The following SP100 variants were observed in gnomAD, a reference collection of about 807,000 sequenced individuals.
The protein encoded by SP100 is SP100 nuclear body protein.
A neutral mutation model predicts 130.0 loss-of-function variants in SP100; 84 were observed. That is an observed-to-expected ratio of 0.65 (90% CI 0.54 to 0.77). The LOEUF (loss-of-function observed/expected upper bound fraction) is 0.77. Among genes scored for constraint, SP100 ranks in the 30% least tolerant of loss-of-function variants. The pLI, the probability that SP100 is intolerant of heterozygous loss-of-function variation, is 0.00. For synonymous variants in SP100, 331 were observed against 351.7 expected (o/e 0.94, Z 0.66); for missense variants, 978 against 1,052.2 (o/e 0.93, Z 0.97).
At chr2:230,504,774 A>G (rs543708198) in intron 21 of SP100, among the ~76,000 whole-genome samples, 1 of 152,324 alleles carries the variant, frequency 6.6e-6, no homozygotes, top group East Asian at 1.9e-4. Context: ...GTTTAGGCAC[A>G]GTGAGCCCTC....
At chr2:230,490,556 A>T (rs1462832790) in intron 17 of SP100, among the ~76,000 whole-genome samples, 1 of 152,152 alleles carries the variant, frequency 6.6e-6, no homozygotes, top group African/African-American at 2.4e-5. Context: ...GTTATTTTGC[A>T]CACTAGTTGA....
At chr2:230,532,930 A>G (rs912459987) in intron 24 of SP100, among the ~76,000 whole-genome samples, 3 of 152,018 alleles carry the variant, frequency 2.0e-5, no homozygotes, top group African/African-American at 7.2e-5. Flanking sequence ...ACAGGCGCCC[A>G]CCACCACGCC....
At chr2:230,528,092 A>AATAG (rs1691514788) in intron 24 of SP100, among the ~76,000 whole-genome samples, 1 of 152,232 alleles carries the variant, frequency 6.6e-6, no homozygotes, top group Non-Finnish European at 1.5e-5. Flanking sequence ...ATAGACATCT[A>AATAG]CAGAACTCTA....
chr2:230,523,042 C>T (rs1031574458), intron 24 of SP100, among the ~76,000 whole-genome samples: 9 of 151,752 alleles, frequency 5.9e-5, no homozygotes, highest in Middle Eastern at 3.4e-3. Context: ...CTCAAACTCC[C>T]GATCTCAAAT....
chr2:230,444,261 C>A lies in SP100; in HGVS notation c.354C>A (p.Asn118Lys). 1 of 1,613,140 alleles carries A rather than the reference C, an allele frequency of 6.2e-7. No homozygotes were observed. The highest frequency in any genetic ancestry group is 1.1e-5 in the South Asian group (1 of 91,062). Residue 118 changes from asparagine to lysine, a missense_variant, in exon 4 of 29, where the codon AAC becomes AAA. By Grantham distance (94) the Asn-to-Lys change is moderately conservative. Transcript: ENST00000340126. ...NVLSELEKTFNLPVLEALFSD... is the reference protein window; with the variant it reads ...NVLSELEKTFKLPVLEALFSD... ...TTAGTGAACTGGAGAAGACATTTAA[C>A]CTGCCAGTTCTGGAAGCACTGTTCA... is the stretch of plus-strand genomic sequence containing the variant.
intron 15 of SP100, 183 bp from the exon 16 acceptor site, chr2:230,473,141 C>T (rs916804184): frequency 2.1e-6 from 1 of 481,274 alleles, no homozygotes; most frequent in Non-Finnish European, 3.8e-6. Flanking sequence ...ATGAAATTCT[C>T]AGGGTTATTT....
chr2:230,424,641 C>A (rs1271079727), intron 2 of SP100, among the ~76,000 whole-genome samples: 1 of 148,138 alleles, frequency 6.8e-6, no homozygotes, highest in Admixed American at 6.7e-5. Context: ...TGCACTCCAG[C>A]CTGGGCAACA....
In SP100 at chr2:230,469,075, A is replaced by C. The variant is rs2065130031; in HGVS notation, c.1324A>C (p.Arg442=). ...PMTSRSTSTW[R]IPSRKRRFSS... ...GACTTCTAGAAGTACATCTACTTGGAGAATACCCAGCAGGAAGAGACGTAA... is the reference window on the plus strand; with the variant it reads ...GACTTCTAGAAGTACATCTACTTGGCGAATACCCAGCAGGAAGAGACGTAA... The change falls in exon 14 of 29, where the codon AGA becomes CGA. Residue 442 remains arginine (R), a synonymous_variant. Coordinates refer to ENST00000340126, the MANE Select transcript of SP100 (RefSeq NM_001080391.2). The C allele has an allele frequency of 6.3e-7, 1 of 1,599,124 alleles. No homozygotes were observed. Among genetic ancestry groups the C allele is most frequent in the Non-Finnish European group, 8.6e-7 (1 of 1,168,450 alleles).
Position 230,517,522 on chromosome 2 carries a change from G to T in SP100, c.2094+6356G>T, listed in dbSNP as rs559431916. 5.1e-4 allele frequency among the ~76,000 whole-genome samples: 78 copies of T among 152,236 alleles called. 3 individuals carry two copies. In the South Asian group the frequency reaches 0.016, roughly 31 times the overall value. On this transcript the variant is annotated intron_variant, in intron 24 of 28. Transcript: ENST00000340126. Reference sequence around the variant, plus strand: ...AACACCTGTAATCCCAGCACTGTGGGAGGCCAAGGCAGGCAGATCACCCGA... The same window carrying T: ...AACACCTGTAATCCCAGCACTGTGGTAGGCCAAGGCAGGCAGATCACCCGA...
chr2:230,449,940 A>G (rs1486957843), intron 7 of SP100, among the ~76,000 whole-genome samples: 1 of 152,240 alleles, frequency 6.6e-6, no homozygotes, highest in Non-Finnish European at 1.5e-5. Flanking sequence ...AAAGGGGAAG[A>G]GTTGCAGAGT....
At chr2:230,440,507 T>C (rs555380423) in intron 2 of SP100, 3 of 1,295,758 alleles carry the variant, frequency 2.3e-6, no homozygotes, top group Non-Finnish European at 3.0e-6. Context: ...TAATGAAAGA[T>C]GTACATGACT....
chr2:230,468,380 G>A (rs2065068087), intron 13 of SP100, among the ~76,000 whole-genome samples: 1 of 152,136 alleles, frequency 6.6e-6, no homozygotes, highest in African/African-American at 2.4e-5. Flanking sequence ...ATATACTAAT[G>A]TTTATACAGC....
At chr2:230,451,532 A>AT (rs1184774427) in intron 8 of SP100, among the ~76,000 whole-genome samples, 2 of 152,182 alleles carry the variant, frequency 1.3e-5, no homozygotes, top group African/African-American at 2.4e-5. Flanking sequence ...CTCCTTATGT[A>AT]TTTTGGATAA....
At chr2:230,502,172 C>T (rs554925092) in intron 19 of SP100, among the ~76,000 whole-genome samples, 15 of 152,234 alleles carry the variant, frequency 9.9e-5, no homozygotes, top group South Asian at 6.2e-4. Context: ...CTTGAGCCAC[C>T]GGGCCCAGCC....
intron 24 of SP100, among the ~76,000 whole-genome samples, chr2:230,527,750 CA>C (rs549350107): frequency 2.2e-4 from 33 of 151,228 alleles, no homozygotes; most frequent in African/African-American, 6.8e-4. Context: ...AAATGGAAAG[CA>C]AAAAAAAGCA....
chr2:230,504,483 A>G (rs549945736), intron 21 of SP100, among the ~76,000 whole-genome samples, 193 bp downstream of exon 21: 1 of 152,326 alleles, frequency 6.6e-6, no homozygotes, highest in African/African-American at 2.4e-5. Context: ...CATGCAAAAC[A>G]TACCATAGGG....
intron 24 of SP100, among the ~76,000 whole-genome samples, chr2:230,513,065 G>T (rs1247889339): frequency 6.6e-6 from 1 of 152,176 alleles, no homozygotes; most frequent in Non-Finnish European, 1.5e-5. Flanking sequence ...TCACTCACTC[G>T]CCCACCACTA....
chr2:230,543,090 A>G lies in SP100; in HGVS notation c.*144A>G, dbSNP rs1575825851. 1 of 535,506 alleles carries G rather than the reference A, an allele frequency of 1.9e-6. No homozygotes were observed. The highest frequency in any genetic ancestry group is 3.1e-5 in the East Asian group (1 of 32,172). The allele number at this position is 535,506 out of a possible 1,614,324, so 33.2% of individuals were successfully genotyped here. A position where few individuals can be genotyped will look rare whatever the true frequency, so the allele number is the denominator to read the frequency against. On this transcript the variant is annotated 3_prime_UTR_variant, in exon 29 of 29. Transcript: ENST00000340126. ...ATTGCCATTTTAAAACCGTCTTTTC[A>G]GCTTTCAATAAAATTCAACACCCCT...
Position 230,478,826 on chromosome 2 carries a change from T to C in SP100, c.1600+4379T>C, listed in dbSNP as rs111716862. 7.5e-3 allele frequency among the ~76,000 whole-genome samples: 1,137 copies of C among 152,236 alleles called. 12 individuals carry two copies. Among genetic ancestry groups the C allele is most frequent in the Non-Finnish European group, 9.4e-3 (640 of 67,994 alleles). ...CAGTGAAATAGGATGCATAAAGATTTTTTTTTTCTTTTGAGATGGAGTCCA... is the reference window on the plus strand; with the variant it reads ...CAGTGAAATAGGATGCATAAAGATTCTTTTTTTCTTTTGAGATGGAGTCCA... On this transcript the variant is annotated intron_variant, in intron 17 of 28. Transcript: ENST00000340126.
Sources: allele counts gnomAD v4.1 joint callset (sites outside exome capture counted in the v4.1 genomes callset), GRCh38; gene constraint gnomAD v4.1.1; transcripts MANE v1.5; gene names NCBI Gene and HGNC (gene_info 2026-07-23, HGNC 2026-07-21).